Variants in SETBP1 observed in about 807,000 individuals in gnomAD.
SETBP1 encodes SET binding protein 1.
In SETBP1, 9 loss-of-function variants were observed where a neutral mutation model predicts 101.0. The observed-to-expected ratio is 0.09, with a 90% CI of 0.05 to 0.16. The LOEUF (loss-of-function observed/expected upper bound fraction) is 0.16, where lower values mean the gene tolerates loss of function less well. Ranked by LOEUF, SETBP1 falls within the 10% of genes least tolerant of loss-of-function variation. The pLI is 1.00. For missense variants in SETBP1, 1,858 were observed against 2,033.8 expected (o/e 0.91, Z 1.66); for synonymous variants, 818 against 788.5 (o/e 1.04, Z -0.63).
intron 1 of SETBP1, among the ~76,000 whole-genome samples, chr18:44,690,837 C>G (rs979466051): frequency 2.6e-5 from 4 of 152,184 alleles, no homozygotes; most frequent in African/African-American, 9.7e-5. Flanking sequence ...AGATTATTTT[C>G]TTTACGATGT....
At chr18:45,009,188 C>A (rs1440167241) in intron 4 of SETBP1, among the ~76,000 whole-genome samples, 1 of 152,108 alleles carries the variant, frequency 6.6e-6, no homozygotes, top group African/African-American at 2.4e-5. Flanking sequence ...CTGCAGCCAA[C>A]CTCACAAAAT....
chr18:44,727,274 G>C (rs1456177853), intron 2 of SETBP1, among the ~76,000 whole-genome samples: 1 of 151,800 alleles, frequency 6.6e-6, no homozygotes, highest in Non-Finnish European at 1.5e-5. Flanking sequence ...CCTTATTTCT[G>C]TCTCTCACTT....
At chr18:45,062,981 T>A in intron 5 of SETBP1, 98 bp from the exon 6 acceptor site, 2 of 1,519,514 alleles carry the variant, frequency 1.3e-6, no homozygotes, top group East Asian at 2.3e-5. Flanking sequence ...TTCTCTATAA[T>A]CTTTATAGCC....
chr18:44,885,617 C>A (rs2069623536), intron 3 of SETBP1, among the ~76,000 whole-genome samples: 1 of 151,882 alleles, frequency 6.6e-6, no homozygotes, highest in African/African-American at 2.4e-5. Context: ...GCATTGACTC[C>A]CATTTATTTG....
chr18:45,063,924 C>CT lies in SETBP1; in HGVS notation c.*227dup, dbSNP rs1003316224. On this transcript the variant is annotated 3_prime_UTR_variant, in exon 6 of 6. Transcript: ENST00000649279. Reference sequence around the variant, plus strand: ...GAAGCTTGTCTGAGCTTCACCGCAGCTCCCACCACGCGGCGCTTCAGTACG... The same window carrying CT: ...GAAGCTTGTCTGAGCTTCACCGCAGCTTCCCACCACGCGGCGCTTCAGTACG... 62 of 510,954 alleles carry CT rather than the reference C, an allele frequency of 1.2e-4. No homozygotes were observed. The highest frequency in any genetic ancestry group is 1.2e-3 in the African/African-American group (59 of 50,636). 31.7% of individuals were successfully genotyped at this position (510,954 alleles called of 1,614,324 possible). A position where few individuals can be genotyped will look rare whatever the true frequency, so the allele number is the denominator to read the frequency against.
chr18:45,031,164 T>G (rs2073290463), intron 4 of SETBP1, among the ~76,000 whole-genome samples: 1 of 152,198 alleles, frequency 6.6e-6, no homozygotes, highest in East Asian at 1.9e-4. Flanking sequence ...TCATATCTCT[T>G]TTTCACTAAC....
At chr18:44,998,175 T>C (rs1390336220) in intron 4 of SETBP1, among the ~76,000 whole-genome samples, 1 of 152,202 alleles carries the variant, frequency 6.6e-6, no homozygotes, top group East Asian at 1.9e-4. Context: ...GTTCTTGTTA[T>C]AATACAATGA....
At chr18:44,787,866 A>AAAAAAAAAAAAAAAAC (rs2071276048) in intron 2 of SETBP1, among the ~76,000 whole-genome samples, 1 of 121,774 alleles carries the variant, frequency 8.2e-6, no homozygotes, top group Non-Finnish European at 1.7e-5. Flanking sequence ...GTCTCAAAAA[A>AAAAAAAAAAAAAAAAC]AAAAAAAAAA....
rs2071313676 is a variant in SETBP1 at position 44,950,394 on chromosome 18, C to G, written c.1054C>G (p.Leu352Val). Residue 352 changes from leucine to valine, a missense_variant, in exon 4 of 6, where the codon CTG (leucine) becomes GTG (valine). By Grantham distance (32) the Leu-to-Val change is conservative. Around this residue, in one of 12 missense-constraint regions of SETBP1, gnomAD observed 581 missense variants for 535.1 expected, o/e 1.09. Coordinates refer to ENST00000649279, the MANE Select transcript of SETBP1 (RefSeq NM_015559.3). ...VISQTIPNPD[L>V]DWVKNAQKAF... ...AAGTCAGACCATACCAAACCCAGAC[C>G]TGGATTGGGTCAAGAATGCCCAGAA... The G allele has an allele frequency of 6.2e-7, 1 of 1,614,114 alleles. No individual in the cohort carries two copies. Among genetic ancestry groups the G allele is most frequent in the South Asian group, 1.1e-5 (1 of 91,082 alleles).
At chr18:44,991,164 AC>A (rs1452312347) in intron 4 of SETBP1, among the ~76,000 whole-genome samples, 3 of 149,294 alleles carry the variant, frequency 2.0e-5, no homozygotes, top group Non-Finnish European at 4.4e-5. Context: ...AATTGCTTGA[AC>A]CCAGGAGGTG....
chr18:44,991,244 C>CTAAA (rs2072369631), intron 4 of SETBP1, among the ~76,000 whole-genome samples: 1 of 68,216 alleles, frequency 1.5e-5, no homozygotes. Context: ...CTGCATCTCA[C>CTAAA]AAAAAAAAAA....
intron 2 of SETBP1, among the ~76,000 whole-genome samples, chr18:44,845,839 A>G (rs535437069): frequency 6.6e-6 from 1 of 152,324 alleles, no homozygotes; most frequent in South Asian, 2.1e-4. Context: ...GTGGGAGGGA[A>G]TCGATGTAGA....
chr18:44,831,989 G>T (rs79136715), intron 2 of SETBP1, among the ~76,000 whole-genome samples: 4,531 of 152,230 alleles, frequency 0.03, 110 homozygotes, highest in Middle Eastern at 0.051. Flanking sequence ...CTGATAGGCT[G>T]ATAAGCACAA....
At chr18:44,837,217 A>C (rs2072516582) in intron 2 of SETBP1, among the ~76,000 whole-genome samples, 1 of 152,178 alleles carries the variant, frequency 6.6e-6, no homozygotes, top group Non-Finnish European at 1.5e-5. Flanking sequence ...TGTCCATATA[A>C]GGCAAGTAGA....
At chr18:44,903,361 GA>G (rs2070098353) in intron 3 of SETBP1, among the ~76,000 whole-genome samples, 1 of 152,166 alleles carries the variant, frequency 6.6e-6, no homozygotes, top group Admixed American at 6.5e-5. Context: ...AAATGTCAGG[GA>G]AAAGGTAGAG....
At chr18:44,683,338 C>T (rs752539600) in intron 1 of SETBP1, among the ~76,000 whole-genome samples, 1 of 152,090 alleles carries the variant, frequency 6.6e-6, no homozygotes, top group Admixed American at 6.5e-5. Context: ...TTGTAAATCA[C>T]CTGACCTAAA....
Position 45,066,685 on chromosome 18 carries a change from T to TTTA in SETBP1, c.*2987_*2988insTTA, listed in dbSNP as rs2073971699. On this transcript the variant is annotated 3_prime_UTR_variant, in exon 6 of 6. Transcript: ENST00000649279. ...GGGGGCTGCATTTTTTTTTTTTTTT[T>TTTA]GAGAAGAGGTCTTTTGGGATGCATG... 1 of 145,534 alleles carries TTTA rather than the reference T, an allele frequency of 6.9e-6. No homozygotes were observed. 9.0% of individuals were successfully genotyped at this position (145,534 alleles called of 1,614,324 possible). A position where few individuals can be genotyped will look rare whatever the true frequency, so the allele number is the denominator to read the frequency against.
At chr18:44,882,190 A>G (rs989789361) in intron 3 of SETBP1, among the ~76,000 whole-genome samples, 1 of 152,202 alleles carries the variant, frequency 6.6e-6, no homozygotes, top group African/African-American at 2.4e-5. Context: ...TTTGGAGAGT[A>G]TACAGAAACA....
At chr18:45,039,157 A>G (rs2073459583) in intron 5 of SETBP1, among the ~76,000 whole-genome samples, 1 of 152,218 alleles carries the variant, frequency 6.6e-6, no homozygotes, top group Non-Finnish European at 1.5e-5. Flanking sequence ...GTTGAAAGAT[A>G]GTAATCACTG....
Sources: allele counts gnomAD v4.1 joint callset (sites outside exome capture counted in the v4.1 genomes callset), GRCh38; gene constraint gnomAD v4.1.1; regional missense constraint gnomAD v4.1.1; transcripts MANE v1.5; gene names NCBI Gene and HGNC (gene_info 2026-07-23, HGNC 2026-07-21).